The following NEDD4L variants were observed in gnomAD, a reference collection of about 807,000 sequenced individuals.
NEDD4L encodes E3 ubiquitin-protein ligase NEDD4-like.
In NEDD4L, 54 loss-of-function variants were observed where a neutral mutation model predicts 148.9. That is an observed-to-expected ratio of 0.36 (90% confidence interval 0.29 to 0.45). NEDD4L has a LOEUF of 0.45. NEDD4L is among the 20% of genes least tolerant of loss of function. The pLI is 1.00. For synonymous variants in NEDD4L, 433 were observed against 440.7 expected (o/e 0.98, Z 0.22); for missense variants, 856 against 1,233.8 (o/e 0.69, Z 4.59).
At chr18:58,130,456 T>C (rs1231268939) in intron 1 of NEDD4L, among the ~76,000 whole-genome samples, 1 of 129,254 alleles carries the variant, frequency 7.7e-6, no homozygotes. Flanking sequence ...TGGGGTTTGG[T>C]TGTGATCTAG....
intron 1 of NEDD4L, among the ~76,000 whole-genome samples, chr18:58,163,072 GAA>G (rs34276141): frequency 0.037 from 5,488 of 147,488 alleles, 326 homozygotes; most frequent in African/African-American, 0.13. Context: ...TCAAAAAAAA[GAA>G]AAAAAAAAAA....
chr18:58,052,290 T>A (rs2081909405), intron 1 of NEDD4L, among the ~76,000 whole-genome samples: 1 of 152,226 alleles, frequency 6.6e-6, no homozygotes, highest in African/African-American at 2.4e-5. Context: ...GTTGGCGATG[T>A]AAAGATCTGG....
chr18:58,273,993 G>C (rs937960401), intron 5 of NEDD4L, among the ~76,000 whole-genome samples: 3 of 152,240 alleles, frequency 2.0e-5, no homozygotes, highest in Admixed American at 1.3e-4. Context: ...TTGCCCTGAA[G>C]TGATGCCGGG....
At chr18:58,116,291 G>A (rs2085834486) in intron 1 of NEDD4L, among the ~76,000 whole-genome samples, 1 of 152,220 alleles carries the variant, frequency 6.6e-6, no homozygotes, top group Admixed American at 6.5e-5. Flanking sequence ...TTTTATGGAA[G>A]TGGAAAATCA....
At chr18:58,045,800 C>T (rs1009017540) in intron 1 of NEDD4L, 1 of 152,196 alleles carries the variant, frequency 6.6e-6, no homozygotes, top group Non-Finnish European at 1.5e-5. Context: ...TATTTCCTAT[C>T]CTGGTTGTGC....
intron 1 of NEDD4L, among the ~76,000 whole-genome samples, chr18:58,139,949 G>A (rs1242861024): frequency 2.6e-5 from 4 of 152,192 alleles, no homozygotes; most frequent in African/African-American, 9.7e-5. Flanking sequence ...AAGCAGGGAT[G>A]TGACCTGATC....
intron 5 of NEDD4L, 106 bp downstream of exon 5, chr18:58,252,160 T>C (rs1199257066): frequency 1.3e-6 from 1 of 749,966 alleles, no homozygotes. Context: ...GGACAGTATA[T>C]GTGCCCAAAA....
chr18:58,280,193 C>T (rs28680199), intron 5 of NEDD4L, among the ~76,000 whole-genome samples: 10,975 of 152,186 alleles, frequency 0.072, 1,278 homozygotes, highest in African/African-American at 0.25. Flanking sequence ...GTGGCTGCAT[C>T]GCTTTTAAAG....
chr18:58,103,406 C>T (rs2084889582), intron 1 of NEDD4L, among the ~76,000 whole-genome samples: 1 of 151,644 alleles, frequency 6.6e-6, no homozygotes, highest in Admixed American at 6.6e-5. Flanking sequence ...TCTCAGTTAC[C>T]CCCGTGTGTT....
At chr18:58,389,259 C>G (rs1011623063) in intron 28 of NEDD4L, 67 bp downstream of exon 28, 21 of 1,184,116 alleles carry the variant, frequency 1.8e-5, no homozygotes, top group Non-Finnish European at 2.4e-5. Flanking sequence ...TGTGTGGCGC[C>G]CTCCATTGTG....
chr18:58,256,309 G>A lies in NEDD4L; in HGVS notation c.297+4255G>A. The A allele has an allele frequency of 8.1e-7, 1 of 1,231,894 alleles. No individual in the cohort carries two copies. The highest frequency in any genetic ancestry group is 1.0e-6 in the Non-Finnish European group (1 of 987,902). The allele number at this position is 1,231,894 out of a possible 1,614,324, so 76.3% of individuals were successfully genotyped here. A position where few individuals can be genotyped will look rare whatever the true frequency, so the allele number is the denominator to read the frequency against. The stretch of plus-strand genomic sequence containing the variant: ...GCGGCCCGGCCGCGGCAGAGCCCAG[G>A]CGCTGGTCCCTGCAGCACGTTCCAG... On this transcript the variant is annotated intron_variant, in intron 5 of 30. Coordinates refer to ENST00000400345, the MANE Select transcript of NEDD4L (RefSeq NM_001144967.3). The surrounding 1 kb of genome is among the most constrained non-coding windows in gnomAD (Gnocchi z 5.2).
chr18:58,214,607 T>TTGTGTGTGTG (rs59608519), intron 2 of NEDD4L, among the ~76,000 whole-genome samples: 147 of 145,418 alleles, frequency 1.0e-3, no homozygotes, highest in African/African-American at 1.6e-3. Context: ...GCTGCTCGGT[T>TTGTGTGTGTG]TGTGTGTGTG....
chr18:58,191,997 T>G (rs1254788756), intron 2 of NEDD4L, among the ~76,000 whole-genome samples: 1 of 152,034 alleles, frequency 6.6e-6, no homozygotes, highest in Non-Finnish European at 1.5e-5. Flanking sequence ...ACGGTGAAAC[T>G]CCATCTCTAC....
intron 5 of NEDD4L, among the ~76,000 whole-genome samples, chr18:58,308,783 G>T (rs1166913981): frequency 6.6e-6 from 1 of 152,210 alleles, no homozygotes; most frequent in Non-Finnish European, 1.5e-5. Context: ...TTGTGTCTGC[G>T]TCAAGTCAGT....
intron 30 of NEDD4L, 57 bp from the exon 31 acceptor site, chr18:58,396,110 C>A: frequency 1.7e-6 from 2 of 1,156,188 alleles, no homozygotes; most frequent in Non-Finnish European, 2.6e-6. Context: ...GCCCTATTAA[C>A]CAGATCGAGG....
intron 4 of NEDD4L, among the ~76,000 whole-genome samples, chr18:58,250,146 T>C (rs1449280782): frequency 6.6e-6 from 1 of 151,550 alleles, no homozygotes; most frequent in Non-Finnish European, 1.5e-5. Flanking sequence ...TTTGTTTGTT[T>C]GTTTTGTTTT....
At chr18:58,375,303 GCCCTGTTCTCTAGTGCCTA>G (rs2047419793) in intron 24 of NEDD4L, among the ~76,000 whole-genome samples, 1 of 151,952 alleles carries the variant, frequency 6.6e-6, no homozygotes, top group South Asian at 2.1e-4. Flanking sequence ...GTTCTCCAGT[GCCCTGTTCTCTAGTGCCTA>G]CCCTGTTCTC....
At chr18:58,225,936 A>G (rs1311746038) in intron 2 of NEDD4L, among the ~76,000 whole-genome samples, 1 of 152,192 alleles carries the variant, frequency 6.6e-6, no homozygotes. Flanking sequence ...CTGCCATGGT[A>G]TCTCCTAACA....
At chr18:58,285,627 A>C (rs2053789021) in intron 5 of NEDD4L, among the ~76,000 whole-genome samples, 1 of 152,252 alleles carries the variant, frequency 6.6e-6, no homozygotes, top group South Asian at 2.1e-4. Context: ...TAAGCCCAGG[A>C]ATAATCAAGG....
Sources: gnomAD v4.1 joint callset for allele counts (sites outside exome capture counted in the v4.1 genomes callset) on GRCh38, gnomAD v4.1.1 for gene constraint, Gnocchi (gnomAD v3.1) non-coding constraint, MANE v1.5 for transcripts, NCBI Gene and HGNC (gene_info 2026-07-23, HGNC 2026-07-21) for gene names.